Variants in NUP153 observed in about 807,000 individuals in gnomAD.
NUP153 encodes the protein nuclear pore complex protein Nup153.
Under a neutral mutation model 134.6 loss-of-function variants are expected in NUP153, and 27 were observed. That is an observed-to-expected ratio of 0.20 (90% CI 0.15 to 0.28). The LOEUF (loss-of-function observed/expected upper bound fraction) is 0.28. Ranked by LOEUF, NUP153 falls within the 10% of genes least tolerant of loss-of-function variation. The pLI is 1.00. For synonymous variants in NUP153, 640 were observed against 623.5 expected (o/e 1.03, Z -0.40); for missense variants, 1,821 against 1,731.3 (o/e 1.05, Z -0.92).
chr6:17,679,880 C>A (rs2113839531), intron 2 of NUP153, among the ~76,000 whole-genome samples: 1 of 152,214 alleles, frequency 6.6e-6, no homozygotes, highest in South Asian at 2.1e-4. Context: ...ACCAAGGTTG[C>A]AGAGAGTCCA....
chr6:17,675,000 G>C lies in NUP153; in HGVS notation c.757C>G (p.Gln253Glu). ...GGATAAAAAGGAGAATCTCCAAGCT[G>C]ACTGGTTTTAAGGATTGAAGAATTC... ...LGNSSILKTSQLGDSPFYPGK... is the reference protein window; with the variant it reads ...LGNSSILKTSELGDSPFYPGK... Residue 253 changes from glutamine (Q) to glutamate (E), a missense_variant, in exon 5 of 22, where the codon CAG becomes GAG. Transcript: ENST00000262077. 1 of 1,613,490 alleles carries C rather than the reference G, an allele frequency of 6.2e-7. No homozygotes were observed. Among genetic ancestry groups the C allele is most frequent in the South Asian group, 1.1e-5 (1 of 91,038 alleles).
chr6:17,668,422 T>C (rs781086449), intron 8 of NUP153, among the ~76,000 whole-genome samples: 30 of 151,838 alleles, frequency 2.0e-4, no homozygotes, highest in Non-Finnish European at 3.7e-4. Flanking sequence ...CAGTAAGCCA[T>C]AAAGTCTGTC....
intron 8 of NUP153, 41 bp downstream of exon 8, chr6:17,668,934 T>C (rs1407006605): frequency 2.2e-6 from 3 of 1,368,866 alleles, no homozygotes; most frequent in East Asian, 4.7e-5. Flanking sequence ...CACAACAAAA[T>C]TGTAGACAGT....
intron 2 of NUP153, among the ~76,000 whole-genome samples, chr6:17,677,358 C>T (rs1450488881): frequency 1.3e-5 from 2 of 151,770 alleles, no homozygotes; most frequent in Non-Finnish European, 2.9e-5. Flanking sequence ...ATTCAAAATG[C>T]CAATATAGTA....
intron 17 of NUP153, among the ~76,000 whole-genome samples, chr6:17,631,575 T>C (rs771652679): frequency 2.0e-5 from 3 of 152,210 alleles, no homozygotes; most frequent in Non-Finnish European, 4.4e-5. Context: ...CTACAACTTA[T>C]AAGTAAGAAG....
chr6:17,689,776 C>G (rs985900091), intron 1 of NUP153, among the ~76,000 whole-genome samples: 1 of 152,038 alleles, frequency 6.6e-6, no homozygotes, highest in Admixed American at 6.6e-5. Flanking sequence ...CCGCCCACCT[C>G]TGCCTCCCAA....
rs952511265 is a variant in NUP153 at position 17,638,609 on chromosome 6, A to G, written c.1847-839T>C. ...CTAAGATTGGCAAGATATTAACAGT[A>G]ACCATCTCAAGGCATTACAGATTTC... On this transcript the variant is annotated intron_variant, in intron 15 of 21. Coordinates refer to ENST00000262077, the MANE Select transcript of NUP153 (RefSeq NM_005124.4). This position sits in a 1 kb window ranked among gnomAD's most constrained non-coding sequence, Gnocchi z 4.0. 3.3e-5 allele frequency among the ~76,000 whole-genome samples: 5 copies of G among 152,224 alleles called. No individual in the cohort carries two copies. The highest frequency in any genetic ancestry group is 1.2e-4 in the African/African-American group (5 of 41,450).
chr6:17,655,875 T>A (rs1476067500), intron 11 of NUP153, among the ~76,000 whole-genome samples: 1 of 152,180 alleles, frequency 6.6e-6, no homozygotes, highest in Non-Finnish European at 1.5e-5. Context: ...AACAACTATA[T>A]AATTGTGTAT....
intron 20 of NUP153, among the ~76,000 whole-genome samples, chr6:17,620,095 C>CCAAAA (rs1764568496): frequency 1.6e-5 from 1 of 63,000 alleles, no homozygotes; most frequent in Non-Finnish European, 2.8e-5. Flanking sequence ...AAGACACCAT[C>CCAAAA]AAAAAAAAAA....
chr6:17,699,494 A>AG (rs1769906066), intron 1 of NUP153, among the ~76,000 whole-genome samples: 1 of 151,414 alleles, frequency 6.6e-6, no homozygotes, highest in Non-Finnish European at 1.5e-5. Context: ...AAAAAAAAAA[A>AG]AAAGAAAATA....
chr6:17,684,812 T>C (rs1312282713), intron 2 of NUP153, among the ~76,000 whole-genome samples: 2 of 152,132 alleles, frequency 1.3e-5, no homozygotes, highest in African/African-American at 2.4e-5. Context: ...TGTCAGAGAA[T>C]AGGGAGGCCC....
At position 17,651,905 on chromosome 6, in the gene NUP153, G is replaced by A. The variant is rs558127975; in HGVS notation, c.1396-2605C>T. ...GCGCAGGAGCTCGAGATCAGCTTGG[G>A]CAATACGGTGAGACCTTGTCTCTAC... On this transcript the variant is annotated intron_variant, in intron 11 of 21. Transcript: ENST00000262077. 18 of 674,360 alleles carry A rather than the reference G, an allele frequency of 2.7e-5. No homozygotes were observed. In the African/African-American group the frequency reaches 2.8e-4, roughly 11 times the overall value. 41.8% of individuals were successfully genotyped at this position (674,360 alleles called of 1,614,324 possible). A position where few individuals can be genotyped will look rare whatever the true frequency, so the allele number is the denominator to read the frequency against.
At chr6:17,681,795 T>A (rs1174453919) in intron 2 of NUP153, among the ~76,000 whole-genome samples, 1 of 152,168 alleles carries the variant, frequency 6.6e-6, no homozygotes, top group Admixed American at 6.5e-5. Flanking sequence ...TTTTTACTTA[T>A]CCCATTCTCT....
rs375866144 is a variant in NUP153 at position 17,669,294 on chromosome 6, G to C, written c.1013C>G (p.Ser338Cys). Residue 338 changes from serine (S) to cysteine (C), a missense_variant and splice_region_variant, in exon 7 of 22, where the codon TCT becomes TGT. Ser to Cys is a moderately radical substitution (Grantham distance 112). Coordinates refer to ENST00000262077, the MANE Select transcript of NUP153 (RefSeq NM_005124.4). The part of the protein sequence containing the change: ...IPSIVSSPLN[S>C]PLDRSGIDIT... Reference sequence around the variant, plus strand: ...AAAAAGGTTTAAATCTCAACTTACAGAATTCAGAGGAGAAGAAACAATGGA... The same window carrying C: ...AAAAAGGTTTAAATCTCAACTTACACAATTCAGAGGAGAAGAAACAATGGA... 1.6e-5 allele frequency: 25 copies of C among 1,608,854 alleles called. No homozygotes were observed. The highest frequency in any genetic ancestry group is 2.1e-5 in the Non-Finnish European group (25 of 1,175,888).
intron 13 of NUP153, among the ~76,000 whole-genome samples, chr6:17,647,540 TC>T (rs1766262983): frequency 6.6e-6 from 1 of 152,236 alleles, no homozygotes; most frequent in Non-Finnish European, 1.5e-5. Context: ...ATGTCTTTTT[TC>T]TTAAGGGACA....
chr6:17,656,942 A>G (rs185095599), intron 11 of NUP153, among the ~76,000 whole-genome samples: 12 of 152,186 alleles, frequency 7.9e-5, no homozygotes, highest in African/African-American at 2.9e-4. Flanking sequence ...TATTAGTTCC[A>G]GCCAATTTCA....
chr6:17,650,401 A>T (rs556120257), intron 11 of NUP153, among the ~76,000 whole-genome samples: 1 of 152,316 alleles, frequency 6.6e-6, no homozygotes, highest in South Asian at 2.1e-4. Context: ...AAGCCACCCG[A>T]ATCTCTGGTG....
chr6:17,673,476 AATTT>A (rs1768037457), intron 5 of NUP153, among the ~76,000 whole-genome samples: 1 of 152,234 alleles, frequency 6.6e-6, no homozygotes, highest in Non-Finnish European at 1.5e-5. Context: ...ACTCTCTCAA[AATTT>A]ATTAATAAGA....
Position 17,665,222 on chromosome 6 carries a change from AATATAC to A in NUP153, c.1215+11_1215+16del, listed in dbSNP as rs765695574. On this transcript the variant is annotated intron_variant, in intron 9 of 21. Coordinates refer to ENST00000262077, the MANE Select transcript of NUP153 (RefSeq NM_005124.4). ...TAATCAATATTCAAAGACTGGTAGAAATATACATATACTCACACTGCACTTGTTATC... is the reference window on the plus strand; with the variant it reads ...TAATCAATATTCAAAGACTGGTAGAAATATACTCACACTGCACTTGTTATC... 4 of 1,571,138 alleles carry A rather than the reference AATATAC, an allele frequency of 2.5e-6. No individual in the cohort carries two copies. The highest frequency in any genetic ancestry group is 4.5e-5 in the East Asian group (2 of 44,578).
Sources: allele counts gnomAD v4.1 joint callset (sites outside exome capture counted in the v4.1 genomes callset), GRCh38; gene constraint gnomAD v4.1.1; non-coding constraint Gnocchi (gnomAD v3.1); transcripts MANE v1.5; gene names NCBI Gene and HGNC (gene_info 2026-07-23, HGNC 2026-07-21).